ASIC2: variants seen among roughly 807,000 people sequenced by gnomAD.
ASIC2 encodes the protein acid sensing ion channel subunit 2.
Under a neutral mutation model 57.3 loss-of-function variants are expected in ASIC2, and 25 were observed. The ratio of observed to expected loss-of-function variants is 0.44; its 90% CI spans 0.32 to 0.61. ASIC2 has a LOEUF of 0.61. Ranked by LOEUF, ASIC2 falls within the 20% of genes least tolerant of loss-of-function variation. The pLI, the probability that ASIC2 is intolerant of heterozygous loss-of-function variation, is 0.06. For missense variants in ASIC2, 641 were observed against 738.1 expected, an observed-to-expected ratio of 0.87 and a Z score of 1.52; for synonymous variants, 319 against 307.5, an observed-to-expected ratio of 1.04 and a Z score of -0.39.
chr17:33,211,875 C>G (rs1250635383), intron 1 of ASIC2, among the ~76,000 whole-genome samples: 1 of 152,198 alleles, frequency 6.6e-6, no homozygotes, highest in Non-Finnish European at 1.5e-5. Context: ...TCCAGGATCC[C>G]CCTAGTGCCT....
At position 33,290,512 on chromosome 17, in the gene ASIC2, A is replaced by G. The variant is rs943112762; in HGVS notation, c.708+896T>C. On this transcript the variant is annotated intron_variant, in intron 1 of 9. Transcript: ENST00000225823. ...GCACAAGGCAGATACCTTCTGTCCA[A>G]CAGCTGCGTTATCCAGACCCACAGC... Among the ~76,000 whole-genome samples, 5 of 152,254 alleles carry G rather than the reference A, an allele frequency of 3.3e-5. No homozygotes were observed. In the South Asian group the frequency reaches 8.3e-4, roughly 25 times the overall value.
At chr17:34,132,354 C>T (rs1475503078) in intron 1 of ASIC2, among the ~76,000 whole-genome samples, 2 of 152,126 alleles carry the variant, frequency 1.3e-5, no homozygotes, top group Non-Finnish European at 2.9e-5. Context: ...ACAAAGCTTC[C>T]ACAGCGTGGA....
intron 1 of ASIC2, among the ~76,000 whole-genome samples, chr17:33,894,372 T>C: frequency 6.7e-6 from 1 of 148,356 alleles, no homozygotes; most frequent in African/African-American, 2.5e-5. Context: ...TGTGTGTGTG[T>C]GTGTGTGTGT....
In ASIC2 at chr17:33,959,173, C is replaced by A. The variant is rs140898028; in HGVS notation, c.555+196805G>T. ...TTCCCACATTTTCATGTCTTCTGAG[C>A]CCTCCAAGTCTCTAGGAAGCTCCAA... On this transcript the variant is annotated intron_variant, in intron 1 of 9. Coordinates refer to the ASIC2 transcript ENST00000359872. Among the ~76,000 whole-genome samples the A allele has an allele frequency of 4.1e-4, 62 of 152,274 alleles. 1 individual carries two copies. The East Asian group carries it at 0.012, about 29-fold the overall frequency.
At chr17:33,791,656 T>C (rs1232745850) in intron 1 of ASIC2, among the ~76,000 whole-genome samples, 1 of 152,152 alleles carries the variant, frequency 6.6e-6, no homozygotes, top group East Asian at 1.9e-4. Flanking sequence ...AGATGTGTTG[T>C]TGATTATGCC....
intron 1 of ASIC2, among the ~76,000 whole-genome samples, chr17:34,120,572 T>A (rs922312465): frequency 2.6e-5 from 4 of 151,664 alleles, no homozygotes; most frequent in Non-Finnish European, 5.9e-5. Flanking sequence ...TTGAATTGTA[T>A]CTTCCCAAAA....
At chr17:33,815,521 T>C (rs1419898918) in intron 1 of ASIC2, among the ~76,000 whole-genome samples, 1 of 152,202 alleles carries the variant, frequency 6.6e-6, no homozygotes, top group Non-Finnish European at 1.5e-5. Flanking sequence ...TCACCCCTCT[T>C]TGGAGGATCT....
chr17:33,107,692 C>G (rs2092240654), intron 2 of ASIC2, among the ~76,000 whole-genome samples: 1 of 152,212 alleles, frequency 6.6e-6, no homozygotes, highest in Admixed American at 6.5e-5. Context: ...GCCCATAGGG[C>G]TGGGTCTACC....
intron 1 of ASIC2, among the ~76,000 whole-genome samples, chr17:33,716,744 A>C (rs1909234153): frequency 6.6e-6 from 1 of 152,068 alleles, no homozygotes; most frequent in Non-Finnish European, 1.5e-5. Context: ...TCCTGCCCTC[A>C]ACACACACTC....
chr17:34,074,448 C>G (rs1342230090), intron 1 of ASIC2, among the ~76,000 whole-genome samples: 1 of 152,180 alleles, frequency 6.6e-6, no homozygotes, highest in Non-Finnish European at 1.5e-5. Flanking sequence ...CCATTCTGCT[C>G]TAGCACCCTC....
At chr17:33,531,512 C>T (rs1363769519) in intron 1 of ASIC2, among the ~76,000 whole-genome samples, 1 of 152,136 alleles carries the variant, frequency 6.6e-6, no homozygotes, top group Non-Finnish European at 1.5e-5. Context: ...AGATGGCTGC[C>T]CAGGTCTCTT....
chr17:34,072,255 C>G (rs1384188678), intron 1 of ASIC2: 1 of 152,286 alleles, frequency 6.6e-6, no homozygotes, highest in Non-Finnish European at 1.5e-5. Flanking sequence ...TCTCAAGGTG[C>G]CAACTCAGTC....
intron 1 of ASIC2, among the ~76,000 whole-genome samples, chr17:33,314,347 A>G (rs147632166): frequency 2.2e-4 from 33 of 152,308 alleles, no homozygotes; most frequent in African/African-American, 7.2e-4. Flanking sequence ...CTATTATCTA[A>G]GACTGCTGAG....
chr17:33,955,957 G>C (rs548189366), intron 1 of ASIC2, among the ~76,000 whole-genome samples: 10 of 152,146 alleles, frequency 6.6e-5, no homozygotes, highest in Admixed American at 2.6e-4. Flanking sequence ...GCCTGGGATA[G>C]TTCCTATCTC....
chr17:33,457,224 A>G (rs990535484), intron 1 of ASIC2, among the ~76,000 whole-genome samples: 1 of 149,906 alleles, frequency 6.7e-6, no homozygotes, highest in Non-Finnish European at 1.5e-5. Flanking sequence ...TTTCCTTTGT[A>G]AATTTAGCCT....
At chr17:33,915,730 T>C (rs1009908161) in intron 1 of ASIC2, among the ~76,000 whole-genome samples, 12 of 152,200 alleles carry the variant, frequency 7.9e-5, no homozygotes, top group Admixed American at 3.3e-4. Flanking sequence ...TTTCCCTTTT[T>C]CTACAGCGAA....
chr17:34,045,128 C>A (rs76843348), intron 1 of ASIC2, among the ~76,000 whole-genome samples: 1 of 152,060 alleles, frequency 6.6e-6, no homozygotes, highest in African/African-American at 2.4e-5. Flanking sequence ...ATCCTGAGAA[C>A]CTGTGCAGGC....
chr17:33,941,225 G>A lies in ASIC2; in HGVS notation c.555+214753C>T, dbSNP rs139241052. On this transcript the variant is annotated intron_variant, in intron 1 of 9. Transcript: ENST00000359872. ...AGGGAGTCCTAGTGAGTGGTTCAGG[G>A]ATGAGCAGGAAGGACACTTGCAGCC... Among the ~76,000 whole-genome samples, 6 of 152,310 alleles carry A rather than the reference G, an allele frequency of 3.9e-5. No homozygotes were observed. In the East Asian group the frequency reaches 9.7e-4, roughly 25 times the overall value.
upstream of ASIC2, among the ~76,000 whole-genome samples, chr17:33,294,830 T>C (rs1905660042): frequency 6.6e-6 from 1 of 152,110 alleles, no homozygotes; most frequent in African/African-American, 2.4e-5. Flanking sequence ...ACAGTTTGCT[T>C]TGGGTTTGGT....
Sources: gnomAD v4.1 joint callset for allele counts (sites outside exome capture counted in the v4.1 genomes callset) on GRCh38, gnomAD v4.1.1 for gene constraint, MANE v1.5 for transcripts, NCBI Gene and HGNC (gene_info 2026-07-23, HGNC 2026-07-21) for gene names.